The following NALF1 variants were observed in gnomAD, a reference collection of about 807,000 sequenced individuals.
NALF1 encodes the protein NALCN channel auxiliary factor 1.
In NALF1, 3 loss-of-function variants were observed where a neutral mutation model predicts 48.4. The ratio of observed to expected loss-of-function variants is 0.06; its 90% CI spans 0.03 to 0.16. The LOEUF (loss-of-function observed/expected upper bound fraction) is 0.16. Ranked by LOEUF, NALF1 falls within the 10% of genes least tolerant of loss-of-function variation. The pLI, the probability that NALF1 is intolerant of heterozygous loss-of-function variation, is 1.00. For synonymous variants in NALF1, 262 were observed against 245.7 expected, an observed-to-expected ratio of 1.07 and a Z score of -0.62; for missense variants, 526 against 571.5, an observed-to-expected ratio of 0.92 and a Z score of 0.81.
chr13:107,220,664 C>T (rs1309476023), intron 1 of NALF1, among the ~76,000 whole-genome samples: 1 of 152,114 alleles, frequency 6.6e-6, no homozygotes, highest in Admixed American at 6.5e-5. Flanking sequence ...TCCCTGGCAT[C>T]AGAAATAGTG....
intron 1 of NALF1, among the ~76,000 whole-genome samples, chr13:107,318,727 C>G (rs1031767771): frequency 6.6e-6 from 1 of 152,006 alleles, no homozygotes. Flanking sequence ...TGTTCTTGTA[C>G]ATGTAGGCAA....
intron 1 of NALF1, among the ~76,000 whole-genome samples, chr13:107,702,314 T>C (rs1881842301): frequency 6.6e-6 from 1 of 152,164 alleles, no homozygotes; most frequent in African/African-American, 2.4e-5. Flanking sequence ...AAACTTAAAA[T>C]AGCAATTTCT....
At chr13:107,775,582 G>T (rs1275675353) in intron 1 of NALF1, among the ~76,000 whole-genome samples, 1 of 151,362 alleles carries the variant, frequency 6.6e-6, no homozygotes, top group Non-Finnish European at 1.5e-5. Context: ...GTAATGGGAT[G>T]GCTGGGTCAA....
At chr13:107,355,180 A>C (rs1156597852) in intron 1 of NALF1, among the ~76,000 whole-genome samples, 1 of 152,180 alleles carries the variant, frequency 6.6e-6, no homozygotes, top group Admixed American at 6.6e-5. Context: ...TCGCACAGCA[A>C]ATAGTCTCTG....
chr13:107,524,352 G>A (rs991979456), intron 1 of NALF1, among the ~76,000 whole-genome samples: 12 of 152,050 alleles, frequency 7.9e-5, no homozygotes, highest in Non-Finnish European at 1.6e-4. Context: ...AGAGGTTTGA[G>A]AGCTACTTCT....
intron 1 of NALF1, among the ~76,000 whole-genome samples, chr13:107,360,775 A>G (rs936808557): frequency 2.0e-5 from 3 of 152,164 alleles, no homozygotes; most frequent in Admixed American, 6.5e-5. Flanking sequence ...GCTTGTTCAA[A>G]CTAGAATGCA....
chr13:107,615,019 C>T (rs1879341109), intron 1 of NALF1, among the ~76,000 whole-genome samples: 1 of 152,058 alleles, frequency 6.6e-6, no homozygotes, highest in Non-Finnish European at 1.5e-5. Flanking sequence ...TCAGGTGACC[C>T]ACCTGCCTCA....
intron 1 of NALF1, among the ~76,000 whole-genome samples, chr13:107,296,651 C>T (rs1339100190): frequency 1.3e-5 from 2 of 152,128 alleles, no homozygotes; most frequent in Admixed American, 6.5e-5. Flanking sequence ...GAGCTATCAA[C>T]TGACACTTAG....
chr13:107,615,306 C>A (rs1879351190), intron 1 of NALF1, among the ~76,000 whole-genome samples: 1 of 152,110 alleles, frequency 6.6e-6, no homozygotes, highest in Non-Finnish European at 1.5e-5. Flanking sequence ...TAACAATTAG[C>A]CTCTATTTTC....
chr13:107,244,717 G>T (rs1260168449), intron 1 of NALF1, among the ~76,000 whole-genome samples: 1 of 152,136 alleles, frequency 6.6e-6, no homozygotes, highest in East Asian at 1.9e-4. Context: ...TTTTTGAAAA[G>T]AAAACACAGA....
chr13:107,804,689 C>T (rs575744928), intron 1 of NALF1, among the ~76,000 whole-genome samples: 2 of 152,206 alleles, frequency 1.3e-5, no homozygotes, highest in East Asian at 3.9e-4. Flanking sequence ...TGAGGGCACT[C>T]GGAATGTCTG....
intron 1 of NALF1, among the ~76,000 whole-genome samples, chr13:107,659,573 G>A (rs780752293): frequency 5.3e-5 from 8 of 150,608 alleles, no homozygotes; most frequent in Non-Finnish European, 7.4e-5. Flanking sequence ...CCTATCTCTC[G>A]TATTAAATAA....
chr13:107,451,589 C>G (rs2139035533), intron 1 of NALF1, among the ~76,000 whole-genome samples: 1 of 152,310 alleles, frequency 6.6e-6, no homozygotes, highest in African/African-American at 2.4e-5. Context: ...GCTCCTTTCT[C>G]TTCCATCAGC....
intron 1 of NALF1, among the ~76,000 whole-genome samples, chr13:107,811,445 G>T (rs35322116): frequency 0.19 from 28,702 of 151,922 alleles, 3,777 homozygotes; most frequent in African/African-American, 0.37. Context: ...CTCTGTTACA[G>T]TTCTATATCT....
chr13:107,728,752 G>A (rs1164271728), intron 1 of NALF1, among the ~76,000 whole-genome samples: 1 of 151,796 alleles, frequency 6.6e-6, no homozygotes. Context: ...TTGAGGAGAC[G>A]GCAGAAGAGA....
At chr13:107,614,648 G>A (rs1879329598) in intron 1 of NALF1, among the ~76,000 whole-genome samples, 1 of 151,652 alleles carries the variant, frequency 6.6e-6, no homozygotes, top group South Asian at 2.1e-4. Flanking sequence ...GGATAAAGAT[G>A]GGAGTTTGTC....
At chr13:107,530,557 T>A (rs1200092550) in intron 1 of NALF1, among the ~76,000 whole-genome samples, 1 of 152,176 alleles carries the variant, frequency 6.6e-6, no homozygotes, top group Non-Finnish European at 1.5e-5. Context: ...GTGATCATTT[T>A]AGTATATTCA....
chr13:107,289,901 A>G (rs933373991), intron 1 of NALF1, among the ~76,000 whole-genome samples: 5 of 152,150 alleles, frequency 3.3e-5, no homozygotes, highest in Non-Finnish European at 5.9e-5. Context: ...AAGACAAGCT[A>G]TTTTCTAAGA....
intron 1 of NALF1, among the ~76,000 whole-genome samples, chr13:107,427,931 C>G (rs1245669081): frequency 2.6e-5 from 4 of 152,290 alleles, no homozygotes; most frequent in Non-Finnish European, 5.9e-5. Flanking sequence ...ATGTATTTAA[C>G]TTGAAATATT....
Sources: gnomAD v4.1 joint callset for allele counts (sites outside exome capture counted in the v4.1 genomes callset) on GRCh38, gnomAD v4.1.1 for gene constraint, MANE v1.5 for transcripts, NCBI Gene and HGNC (gene_info 2026-07-23, HGNC 2026-07-21) for gene names.